DACH2: variants seen among roughly 807,000 people sequenced by gnomAD.
The protein encoded by DACH2 is dachshund homolog 2.
DACH2 carries 17 observed loss-of-function variants against 35.8 expected under a neutral mutation model. The ratio of observed to expected loss-of-function variants is 0.48; its 90% CI spans 0.33 to 0.71. DACH2 has a LOEUF of 0.71. Among genes scored for constraint, DACH2 ranks in the 30% least tolerant of loss-of-function variants. The pLI is 0.02. For synonymous variants in DACH2, 195 were observed against 177.3 expected (o/e 1.10, Z -0.79); for missense variants, 469 against 472.7 (o/e 0.99, Z 0.07).
chrX:86,163,527 G>A (rs1467292652), intron 1 of DACH2, among the ~76,000 whole-genome samples: 4 of 110,359 alleles, frequency 3.6e-5, no homozygotes, highest in East Asian at 2.8e-4. Context: ...AGATTATTTC[G>A]TCACCCAGGA....
At chrX:86,776,967 T>A (rs1249876807) in intron 7 of DACH2, among the ~76,000 whole-genome samples, 1 of 112,096 alleles carries the variant, frequency 8.9e-6, no homozygotes, top group Non-Finnish European at 1.9e-5. Flanking sequence ...TGTGCCACAT[T>A]TTCTTAATCC....
At chrX:86,429,662 G>A (rs1019725137) in intron 2 of DACH2, among the ~76,000 whole-genome samples, 3 of 110,040 alleles carry the variant, frequency 2.7e-5, no homozygotes, top group Non-Finnish European at 5.7e-5. Flanking sequence ...CCAGGTTCAA[G>A]TCATTCTGTT....
Position 86,832,165 on chromosome X carries a change from G to T in DACH2, c.*10G>T, listed in dbSNP as rs773289890. ...GTTGTATTCAGCCTGAAAGGTCCTC[G>T]CTGGCTTTACATAAATGAAGATGCT... is the stretch of plus-strand genomic sequence containing the variant. On this transcript the variant is annotated 3_prime_UTR_variant, in exon 12 of 12. Coordinates refer to ENST00000373125, the MANE Select transcript of DACH2 (RefSeq NM_053281.3). 66 of 1,167,273 alleles carry T rather than the reference G, an allele frequency of 5.7e-5. No homozygotes were observed. The highest frequency in any genetic ancestry group is 7.3e-5 in the Non-Finnish European group (63 of 859,989).
chrX:86,466,200 A>G (rs895005521), intron 2 of DACH2, among the ~76,000 whole-genome samples: 2 of 111,534 alleles, frequency 1.8e-5, no homozygotes, highest in Admixed American at 1.9e-4. Flanking sequence ...CCCCTGATAA[A>G]ACCATCAGAC....
intron 1 of DACH2, among the ~76,000 whole-genome samples, chrX:86,295,804 T>C (rs1490379995): frequency 1.8e-5 from 2 of 110,001 alleles, no homozygotes; most frequent in Non-Finnish European, 3.8e-5. Context: ...CAGGGGGATT[T>C]GGGAGGGGTG....
chrX:86,780,945 G>A lies in DACH2; in HGVS notation c.1241-31911G>A, dbSNP rs376213451. On this transcript the variant is annotated intron_variant, in intron 7 of 11. Coordinates refer to ENST00000373125, the MANE Select transcript of DACH2 (RefSeq NM_053281.3). ...AGGTGGAAAGGCTGATGGCAGCATG[G>A]GTTAGGGAGGGGATGTTGCCACTAC... 1.6e-4 allele frequency among the ~76,000 whole-genome samples: 18 copies of A among 111,545 alleles called. No individual in the cohort carries two copies. The East Asian group carries it at 3.4e-3, about 21-fold the overall frequency.
At chrX:86,197,714 C>T (rs2032031439) in intron 1 of DACH2, among the ~76,000 whole-genome samples, 1 of 111,397 alleles carries the variant, frequency 9.0e-6, no homozygotes, top group Non-Finnish European at 1.9e-5. Flanking sequence ...CACAAGAAGA[C>T]CTAAGTATCC....
chrX:86,339,261 C>A (rs1406957109), intron 1 of DACH2, among the ~76,000 whole-genome samples: 1 of 111,615 alleles, frequency 9.0e-6, no homozygotes, highest in East Asian at 2.8e-4. Context: ...AATGACAATA[C>A]CTAGTGATCA....
chrX:86,213,548 G>T (rs12012717), intron 1 of DACH2, among the ~76,000 whole-genome samples: 182 of 110,990 alleles, frequency 1.6e-3, no homozygotes, highest in African/African-American at 5.5e-3. Flanking sequence ...TGCAGCCTTT[G>T]AAAAGATTGA....
chrX:86,268,728 T>A (rs918285443), intron 1 of DACH2, among the ~76,000 whole-genome samples: 1 of 109,463 alleles, frequency 9.1e-6, no homozygotes, highest in Non-Finnish European at 1.9e-5. Flanking sequence ...GAGACAGGGT[T>A]TCGCCATGTT....
At chrX:86,494,038 G>T (rs1343431803) in intron 2 of DACH2, among the ~76,000 whole-genome samples, 1 of 111,653 alleles carries the variant, frequency 9.0e-6, no homozygotes, top group Non-Finnish European at 1.9e-5. Flanking sequence ...AGGCCACAAG[G>T]TGCTCTCAGC....
At chrX:86,185,061 G>A (rs1010211455) in intron 1 of DACH2, among the ~76,000 whole-genome samples, 8 of 111,329 alleles carry the variant, frequency 7.2e-5, no homozygotes, top group Non-Finnish European at 1.1e-4. Context: ...TAGAATTATG[G>A]CATCACTTTC....
chrX:86,286,938 T>C (rs1466535836), intron 1 of DACH2, among the ~76,000 whole-genome samples: 3 of 111,985 alleles, frequency 2.7e-5, no homozygotes, highest in Non-Finnish European at 3.8e-5. Context: ...ATATTCTGTG[T>C]TTTTTTCTGT....
At chrX:86,464,174 A>G (rs2037624450) in intron 2 of DACH2, among the ~76,000 whole-genome samples, 1 of 111,349 alleles carries the variant, frequency 9.0e-6, no homozygotes, top group Non-Finnish European at 1.9e-5. Context: ...TACTGGGTAT[A>G]TACTCAAAGG....
chrX:86,160,652 C>T lies in DACH2; in HGVS notation c.488+11544C>T, dbSNP rs2030721027. ...ATTTTTGCTGTCACCAGCAATGTTG[C>T]CACAACGAACATCCTTGACAGACAC... On this transcript the variant is annotated intron_variant, in intron 1 of 11. Transcript: ENST00000373125. 1.2e-5 allele frequency: 6 copies of T among 499,543 alleles called. No homozygotes were observed. In the Admixed American group the frequency reaches 1.3e-4, roughly 11 times the overall value. 41.2% of individuals were successfully genotyped at this position (499,543 alleles called of 1,213,427 possible).
At chrX:86,371,019 T>C (rs1226096958) in intron 1 of DACH2, among the ~76,000 whole-genome samples, 3 of 111,365 alleles carry the variant, frequency 2.7e-5, no homozygotes, top group Non-Finnish European at 5.7e-5. Context: ...CTATTTTTGA[T>C]ATTCTTTGTT....
intron 3 of DACH2, among the ~76,000 whole-genome samples, chrX:86,595,669 T>G (rs959023425): frequency 9.1e-6 from 1 of 110,290 alleles, no homozygotes; most frequent in Non-Finnish European, 1.9e-5. Context: ...CATTGCCCTT[T>G]GTCTTTCTTT....
chrX:86,433,208 G>C (rs2037012975), intron 2 of DACH2, among the ~76,000 whole-genome samples: 1 of 111,962 alleles, frequency 8.9e-6, no homozygotes, highest in African/African-American at 3.2e-5. Context: ...GATACAAAAA[G>C]TGTCTGTTAA....
chrX:86,584,266 G>C (rs959617976), intron 3 of DACH2, among the ~76,000 whole-genome samples: 1 of 110,419 alleles, frequency 9.1e-6, no homozygotes, highest in Non-Finnish European at 1.9e-5. Context: ...TCCAATTTAT[G>C]GGCACAGATT....
Sources: gnomAD v4.1 joint callset for allele counts (sites outside exome capture counted in the v4.1 genomes callset) on GRCh38, gnomAD v4.1.1 for gene constraint, MANE v1.5 for transcripts, NCBI Gene and HGNC (gene_info 2026-07-23, HGNC 2026-07-21) for gene names.